Variants in ANKS1B observed in about 807,000 individuals in gnomAD.
ANKS1B encodes the protein ankyrin repeat and sterile alpha motif domain-containing protein 1B.
A neutral mutation model predicts 148.3 loss-of-function variants in ANKS1B; 36 were observed. That is an observed-to-expected ratio of 0.24 (90% CI 0.19 to 0.32). The LOEUF (loss-of-function observed/expected upper bound fraction) is 0.32, where lower values mean the gene tolerates loss of function less well. Ranked by LOEUF, ANKS1B falls within the 10% of genes least tolerant of loss-of-function variation. The pLI is 1.00. For synonymous variants in ANKS1B, 542 were observed against 560.8 expected (o/e 0.97, Z 0.47); for missense variants, 1,157 against 1,542.6 (o/e 0.75, Z 4.19).
intron 12 of ANKS1B, among the ~76,000 whole-genome samples, chr12:99,329,201 T>C (rs2087031395): frequency 6.6e-6 from 1 of 151,956 alleles, no homozygotes; most frequent in Non-Finnish European, 1.5e-5. Context: ...CTGACATTTT[T>C]CCAAATTTGA....
intron 1 of ANKS1B, among the ~76,000 whole-genome samples, chr12:99,937,646 G>C (rs1294529719): frequency 6.6e-6 from 1 of 152,092 alleles, no homozygotes; most frequent in Non-Finnish European, 1.5e-5. Context: ...TCTTCAAACA[G>C]CTATCATATT....
intron 14 of ANKS1B, among the ~76,000 whole-genome samples, chr12:99,212,029 C>T (rs1031242745): frequency 7.2e-5 from 11 of 152,180 alleles, no homozygotes; most frequent in Non-Finnish European, 1.6e-4. Flanking sequence ...GAGCACTGTG[C>T]TACAGGGAAA....
intron 17 of ANKS1B, among the ~76,000 whole-genome samples, chr12:98,850,184 T>C (rs998329168): frequency 6.6e-6 from 1 of 152,218 alleles, no homozygotes; most frequent in Non-Finnish European, 1.5e-5. Flanking sequence ...GTACCTTTTG[T>C]TCTTTATGTC....
chr12:99,655,351 C>T (rs1348265644), intron 8 of ANKS1B, 141 bp from the exon 9 acceptor site: 1 of 669,304 alleles, frequency 1.5e-6, no homozygotes, highest in Non-Finnish European at 2.3e-6. Flanking sequence ...ATGGCTGTGC[C>T]CTGTGCCTGA....
intron 9 of ANKS1B, among the ~76,000 whole-genome samples, chr12:99,507,118 T>A (rs1289918403): frequency 6.6e-6 from 1 of 151,920 alleles, no homozygotes; most frequent in East Asian, 1.9e-4. Context: ...ATGTAAATTA[T>A]TTTGCCTTTC....
chr12:99,093,001 C>T (rs948622459), intron 15 of ANKS1B, among the ~76,000 whole-genome samples: 1 of 152,096 alleles, frequency 6.6e-6, no homozygotes, highest in African/African-American at 2.4e-5. Flanking sequence ...TTTATTTGGT[C>T]AGACTCTGAT....
At chr12:99,040,057 A>T (rs2099957964) in intron 17 of ANKS1B, among the ~76,000 whole-genome samples, 1 of 152,092 alleles carries the variant, frequency 6.6e-6, no homozygotes, top group Non-Finnish European at 1.5e-5. Flanking sequence ...CTGCGGGAAA[A>T]AGGATGCCAC....
intron 12 of ANKS1B, among the ~76,000 whole-genome samples, chr12:99,316,401 T>A (rs569699458): frequency 2.0e-5 from 3 of 152,350 alleles, no homozygotes; most frequent in South Asian, 4.1e-4. Context: ...TGGTTTTGAT[T>A]TGCATTTCTC....
chr12:98,739,920 C>T (rs2097789774), downstream of ANKS1B, among the ~76,000 whole-genome samples: 1 of 152,172 alleles, frequency 6.6e-6, no homozygotes, highest in Non-Finnish European at 1.5e-5. Flanking sequence ...AGGCACCCTC[C>T]TCTACCACCT....
At chr12:98,925,216 G>A (rs1051620072) in intron 17 of ANKS1B, among the ~76,000 whole-genome samples, 2 of 152,178 alleles carry the variant, frequency 1.3e-5, no homozygotes, top group African/African-American at 4.8e-5. Context: ...GCAGTGAATG[G>A]AATTACTGTT....
At chr12:99,111,482 T>C (rs1459989654) in intron 15 of ANKS1B, among the ~76,000 whole-genome samples, 1 of 152,108 alleles carries the variant, frequency 6.6e-6, no homozygotes. Flanking sequence ...CGCTTAATAC[T>C]GCACAAGCCT....
Position 99,231,654 on chromosome 12 carries a change from TA to T in ANKS1B, c.2419+12687del, listed in dbSNP as rs533331589. ...GTAATAAGGAGATTGTAAATACATT[TA>T]AAAAAAAATGTTTCCCTAGAGTTTG... On this transcript the variant is annotated intron_variant, in intron 14 of 26. Coordinates refer to ENST00000683438, the MANE Select transcript of ANKS1B (RefSeq NM_001352186.2). 5.7e-3 allele frequency among the ~76,000 whole-genome samples: 854 copies of T among 151,060 alleles called. 9 individuals are homozygous for T. Among genetic ancestry groups the T allele is most frequent in the African/African-American group, 0.019 (762 of 41,176 alleles).
rs367850006 is a variant in ANKS1B at position 99,246,643 on chromosome 12, A to C, written c.1978T>G (p.Leu660Val). ...QSPIENNSEP[L>V]VKKIKPKVVS... is the part of the protein sequence containing the mutation. ...ACTTTGGGTTTAATTTTCTTTACCA[A>C]AGGTTCTGAGTTATTTTCTATTGGA... is the stretch of plus-strand genomic sequence containing the variant. Residue 660 changes from leucine (L) to valine (V), a missense_variant, in exon 13 of 27, where the codon TTG (leucine) becomes GTG (valine). By Grantham distance (32) the Leu-to-Val change is conservative. Transcript: ENST00000683438. The C allele has an allele frequency of 1.1e-4, 175 of 1,613,636 alleles. No individual in the cohort carries two copies. In the African/African-American group the frequency reaches 2.1e-3, roughly 20 times the overall value.
At chr12:99,705,628 T>C (rs2055624666) in intron 8 of ANKS1B, among the ~76,000 whole-genome samples, 1 of 152,060 alleles carries the variant, frequency 6.6e-6, no homozygotes, top group African/African-American at 2.4e-5. Context: ...ATAAAGACAT[T>C]TGCATGAAAT....
intron 10 of ANKS1B, among the ~76,000 whole-genome samples, chr12:99,483,458 C>CT (rs770139867): frequency 9.2e-5 from 14 of 151,580 alleles, no homozygotes; most frequent in East Asian, 3.9e-4. Flanking sequence ...CTATAGTTTT[C>CT]TTTTTTTTGT....
At chr12:99,232,208 T>G (rs1200180304) in intron 14 of ANKS1B, among the ~76,000 whole-genome samples, 1 of 152,222 alleles carries the variant, frequency 6.6e-6, no homozygotes, top group African/African-American at 2.4e-5. Flanking sequence ...TCCTTAGGAA[T>G]TAATTTTAAT....
rs2098083247 is a variant in ANKS1B, at chr12:98,751,262, T to C, written c.3747+93A>G. On this transcript the variant is annotated intron_variant, in intron 26 of 26. Transcript: ENST00000683438. The surrounding 1 kb of genome is among the most constrained non-coding windows in gnomAD (Gnocchi z 4.3). ...AAAGGATGAAGAAGAGGCCCTGGGT[T>C]CTAATGGCACCCACACCACACAAGG... The C allele has an allele frequency of 2.3e-6, 3 of 1,314,644 alleles. No individual in the cohort carries two copies. The highest frequency in any genetic ancestry group is 3.0e-5 in the African/African-American group (2 of 67,396). 81.4% of individuals were successfully genotyped at this position (1,314,644 alleles called of 1,614,324 possible).
chr12:98,852,467 G>A lies in ANKS1B; in HGVS notation c.2779-20331C>T, dbSNP rs551101103. On this transcript the variant is annotated intron_variant, in intron 17 of 26. Transcript: ENST00000683438. ...AGTAGAAAGGAGGAAGAACAGGGTT[G>A]GCAGGGAACATGAGGCTCTGGGAGT... Among the ~76,000 whole-genome samples, 317 of 152,274 alleles carry A rather than the reference G, an allele frequency of 2.1e-3. 1 individual carries two copies. The highest frequency in any genetic ancestry group is 3.8e-3 in the Non-Finnish European group (256 of 68,022).
At chr12:99,205,184 A>G (rs1324147485) in intron 14 of ANKS1B, among the ~76,000 whole-genome samples, 5 of 152,156 alleles carry the variant, frequency 3.3e-5, no homozygotes, top group South Asian at 4.1e-4. Flanking sequence ...TGATGGCCAA[A>G]TCTCTAAACA....
Sources: allele counts gnomAD v4.1 joint callset (sites outside exome capture counted in the v4.1 genomes callset), GRCh38; gene constraint gnomAD v4.1.1; non-coding constraint Gnocchi (gnomAD v3.1); transcripts MANE v1.5; gene names NCBI Gene and HGNC (gene_info 2026-07-23, HGNC 2026-07-21).